SPATA16: variants seen among roughly 807,000 people sequenced by gnomAD.
SPATA16 encodes the protein spermatogenesis associated 16, also known as spermatogenesis-associated protein 16.
A neutral mutation model predicts 63.3 loss-of-function variants in SPATA16; 36 were observed. The observed-to-expected ratio is 0.57, with a 90% CI of 0.44 to 0.75. SPATA16 has a LOEUF of 0.75. SPATA16 is among the 30% of genes least tolerant of loss of function. The probability of loss-of-function intolerance (pLI) is 0.00; values close to 1 mark genes in which losing one functional copy is unlikely to be tolerated. For missense variants in SPATA16, 646 were observed against 679.3 expected (o/e 0.95, Z 0.54); for synonymous variants, 203 against 216.7 (o/e 0.94, Z 0.56).
intron 4 of SPATA16, among the ~76,000 whole-genome samples, chr3:172,978,424 T>C (rs1160243084): frequency 6.6e-6 from 1 of 152,186 alleles, no homozygotes; most frequent in Admixed American, 6.5e-5. Flanking sequence ...ATGGAAACAT[T>C]TTCTTTTCAT....
At chr3:173,015,661 C>G (rs984143978) in intron 4 of SPATA16, among the ~76,000 whole-genome samples, 17 of 152,096 alleles carry the variant, frequency 1.1e-4, no homozygotes, top group Admixed American at 1.1e-3. Flanking sequence ...GACTCAAAAA[C>G]CTGCTAATTT....
At chr3:172,920,764 C>T (rs1479818640) in intron 8 of SPATA16, among the ~76,000 whole-genome samples, 1 of 152,074 alleles carries the variant, frequency 6.6e-6, no homozygotes, top group Non-Finnish European at 1.5e-5. Context: ...GAATTCTTGG[C>T]ATTGTTTAAG....
At chr3:172,962,153 C>T (rs1040505201) in intron 5 of SPATA16, among the ~76,000 whole-genome samples, 9 of 147,082 alleles carry the variant, frequency 6.1e-5, no homozygotes, top group Admixed American at 3.5e-4. Context: ...CTTGGGAGGC[C>T]GAGGCAGGAG....
chr3:173,016,673 G>A (rs1735196045), intron 4 of SPATA16, among the ~76,000 whole-genome samples: 1 of 152,144 alleles, frequency 6.6e-6, no homozygotes, highest in African/African-American at 2.4e-5. Context: ...ATACTTGTAA[G>A]AGGCCTGAAT....
rs536991873 is a variant in SPATA16 at position 173,109,379 on chromosome 3, C to T, written c.612+7741G>A. ...CTTAGCATGAGTCAGATGAGTCAGA[C>T]GGTGGGTGTGCAGCACAGCCACGAC... is the stretch of plus-strand genomic sequence containing the variant. On this transcript the variant is annotated intron_variant, in intron 2 of 10. Coordinates refer to ENST00000351008, the MANE Select transcript of SPATA16 (RefSeq NM_031955.6). 2.3e-3 allele frequency among the ~76,000 whole-genome samples: 350 copies of T among 152,250 alleles called. 1 individual carries two copies. The highest frequency in any genetic ancestry group is 8.1e-3 in the African/African-American group (337 of 41,546).
At chr3:173,124,967 C>T (rs780687961) in intron 1 of SPATA16, among the ~76,000 whole-genome samples, 10 of 152,090 alleles carry the variant, frequency 6.6e-5, no homozygotes, top group Non-Finnish European at 1.2e-4. Flanking sequence ...TCCTTATATC[C>T]TCCTAAAACA....
At chr3:172,963,654 C>T (rs1203397900) in intron 5 of SPATA16, among the ~76,000 whole-genome samples, 1 of 151,890 alleles carries the variant, frequency 6.6e-6, no homozygotes, top group Non-Finnish European at 1.5e-5. Flanking sequence ...GCACTTAATG[C>T]CTAAAATTTA....
chr3:172,955,517 T>C (rs949785385), intron 6 of SPATA16, among the ~76,000 whole-genome samples: 1 of 152,176 alleles, frequency 6.6e-6, no homozygotes, highest in Non-Finnish European at 1.5e-5. Flanking sequence ...GCACATATGG[T>C]TATTATGGCC....
At chr3:172,917,513 A>G (rs1732522340) in intron 8 of SPATA16, among the ~76,000 whole-genome samples, 1 of 152,172 alleles carries the variant, frequency 6.6e-6, no homozygotes. Context: ...CAGAATCACT[A>G]TGCTCGCTTG....
chr3:172,938,549 C>A lies in SPATA16; in HGVS notation c.1082-13057G>T, dbSNP rs1257486813. On this transcript the variant is annotated intron_variant, in intron 6 of 10. Transcript: ENST00000351008. ...AAGCGCCTCTAACAAGTTCTATTTACCCCAATGTTAAGACAGAGCAGAGAC... is the reference window on the plus strand; with the variant it reads ...AAGCGCCTCTAACAAGTTCTATTTAACCCAATGTTAAGACAGAGCAGAGAC... Among the ~76,000 whole-genome samples, 3 of 152,182 alleles carry A rather than the reference C, an allele frequency of 2.0e-5. No homozygotes were observed. In the East Asian group the frequency reaches 5.8e-4, roughly 29 times the overall value.
At chr3:172,943,786 A>G (rs1160186078) in intron 6 of SPATA16, among the ~76,000 whole-genome samples, 4 of 152,136 alleles carry the variant, frequency 2.6e-5, no homozygotes, top group East Asian at 3.8e-4. Flanking sequence ...TAAAATTTAA[A>G]TCTCACTTCA....
chr3:172,962,872 A>G (rs557962400), intron 5 of SPATA16, among the ~76,000 whole-genome samples: 2 of 152,266 alleles, frequency 1.3e-5, no homozygotes, highest in African/African-American at 4.8e-5. Flanking sequence ...AAATGGAAAA[A>G]TAAAATTTTG....
intron 2 of SPATA16, among the ~76,000 whole-genome samples, chr3:173,065,489 A>C (rs1292642963): frequency 2.0e-5 from 3 of 152,244 alleles, no homozygotes; most frequent in Admixed American, 6.5e-5. Flanking sequence ...CCCAACAACA[A>C]CACCAAATTT....
chr3:172,947,961 A>G (rs1199317222), intron 6 of SPATA16, among the ~76,000 whole-genome samples: 1 of 152,196 alleles, frequency 6.6e-6, no homozygotes, highest in Non-Finnish European at 1.5e-5. Flanking sequence ...AAAGAAAAAA[A>G]GAATGAAGCA....
chr3:173,085,214 G>C (rs1220242679), intron 2 of SPATA16, among the ~76,000 whole-genome samples: 1 of 152,012 alleles, frequency 6.6e-6, no homozygotes, highest in Non-Finnish European at 1.5e-5. Context: ...AGTTCTCCTT[G>C]AAGAGGTCCT....
chr3:173,041,360 G>A (rs1209084391), intron 3 of SPATA16, among the ~76,000 whole-genome samples: 2 of 152,162 alleles, frequency 1.3e-5, no homozygotes, highest in East Asian at 1.9e-4. Context: ...ACAGAAGGAA[G>A]TAAGTAGGAA....
intron 1 of SPATA16, among the ~76,000 whole-genome samples, chr3:173,139,061 T>C (rs778605684): frequency 3.3e-5 from 5 of 152,222 alleles, no homozygotes; most frequent in Non-Finnish European, 5.9e-5. Context: ...TGGGTTCTGT[T>C]TTCTTATTCG....
At chr3:172,978,161 C>CTCTATA (rs779050166) in intron 4 of SPATA16, among the ~76,000 whole-genome samples, 42 of 147,320 alleles carry the variant, frequency 2.9e-4, no homozygotes, top group African/African-American at 9.8e-4. Context: ...CTCTCTCTCT[C>CTCTATA]TATATATATA....
rs1732417532 is a variant in SPATA16 at position 172,913,599 on chromosome 3, G to A, written c.1587+62C>T. 47 of 1,516,930 alleles carry A rather than the reference G, an allele frequency of 3.1e-5. 1 individual carries two copies. In the South Asian group the frequency reaches 4.1e-4, roughly 13 times the overall value. The allele number at this position is 1,516,930 out of a possible 1,614,324, so 94.0% of individuals were successfully genotyped here. A position where few individuals can be genotyped will look rare whatever the true frequency, so the allele number is the denominator to read the frequency against. ...TTCTTTTTATCCTCCAAACAGATTTGACCCAAAATGGACATTTTCTTTGAG... is the reference window on the plus strand; with the variant it reads ...TTCTTTTTATCCTCCAAACAGATTTAACCCAAAATGGACATTTTCTTTGAG... On this transcript the variant is annotated intron_variant, in intron 10 of 10. Coordinates refer to ENST00000351008, the MANE Select transcript of SPATA16 (RefSeq NM_031955.6).
Sources: gnomAD v4.1 joint callset for allele counts (sites outside exome capture counted in the v4.1 genomes callset) on GRCh38, gnomAD v4.1.1 for gene constraint, MANE v1.5 for transcripts, NCBI Gene and HGNC (gene_info 2026-07-23, HGNC 2026-07-21) for gene names.